TULP4: variants seen among roughly 807,000 people sequenced by gnomAD.
TULP4 encodes TUB like protein 4, also known as tubby-related protein 4.
A neutral mutation model predicts 129.0 loss-of-function variants in TULP4; 16 were observed. The observed-to-expected ratio is 0.12, with a 90% CI of 0.08 to 0.19. The LOEUF is 0.19. TULP4 is among the 10% of genes least tolerant of loss of function. The pLI, the probability that TULP4 is intolerant of heterozygous loss-of-function variation, is 1.00. For missense variants in TULP4, 1,842 were observed against 2,059.1 expected (o/e 0.89, Z 2.04); for synonymous variants, 998 against 854.0 (o/e 1.17, Z -2.94).
At chr6:158,234,636 C>T (rs188694057) in intron 1 of TULP4, among the ~76,000 whole-genome samples, 3 of 152,304 alleles carry the variant, frequency 2.0e-5, no homozygotes, top group Non-Finnish European at 4.4e-5. Flanking sequence ...AGTACAACCT[C>T]TTATGAAATG....
At position 158,509,923 on chromosome 6, in the gene TULP4, G is replaced by A. The variant is rs1469177929; in HGVS notation, c.*3229G>A. 6.6e-6 allele frequency: 1 copy of A among 152,186 alleles called. No homozygotes were observed. The highest frequency in any genetic ancestry group is 1.9e-4 in the East Asian group (1 of 5,192). 9.4% of individuals were successfully genotyped at this position (152,186 alleles called of 1,614,324 possible). A position where few individuals can be genotyped will look rare whatever the true frequency, so the allele number is the denominator to read the frequency against. On this transcript the variant is annotated 3_prime_UTR_variant, in exon 14 of 14. Coordinates refer to ENST00000367097, the MANE Select transcript of TULP4 (RefSeq NM_020245.5). ...AATACGACGAAAATTCATACTTTAT[G>A]CAGGAGATTTCTAAAAATTTAATGT...
Position 158,413,184 on chromosome 6 carries a change from C to T in TULP4, c.372C>T (p.Arg124=), listed in dbSNP as rs780716465. ...GGTCTGTGGAGCTGGTCAACGACCGCGGGGCGCAGGTGAGTGGCAGGCGCA... is the reference window on the plus strand; with the variant it reads ...GGTCTGTGGAGCTGGTCAACGACCGTGGGGCGCAGGTGAGTGGCAGGCGCA... The part of the protein sequence containing the change: ...GRWSVELVND[R]GAQVSDFTWS... Residue 124 remains arginine, a synonymous_variant, in exon 2 of 14, where the codon CGC becomes CGT. Coordinates refer to ENST00000367097, the MANE Select transcript of TULP4 (RefSeq NM_020245.5). This position sits in a 1 kb window ranked among gnomAD's most constrained non-coding sequence, Gnocchi z 4.9. 14 of 1,611,876 alleles carry T rather than the reference C, an allele frequency of 8.7e-6. No individual in the cohort carries two copies. The highest frequency in any genetic ancestry group is 1.7e-4 in the Middle Eastern group (1 of 6,048).
chr6:158,328,079 G>GGTGTGTGTGGGTGT (rs1779785183), intron 1 of TULP4, among the ~76,000 whole-genome samples: 1 of 120,518 alleles, frequency 8.3e-6, no homozygotes, highest in African/African-American at 3.2e-5. Context: ...TCTCAGAGCT[G>GGTGTGTGTGGGTGT]GTGTGTGTGT....
intron 1 of TULP4, among the ~76,000 whole-genome samples, chr6:158,246,023 GGTGTGTGTGTGTGTGT>G (rs66690741): frequency 0.033 from 4,790 of 145,918 alleles, 264 homozygotes; most frequent in African/African-American, 0.11. Flanking sequence ...ACCCCTTAGG[GGTGTGTGTGTGTGTGT>G]GTGTGTGTGT....
intron 3 of TULP4, among the ~76,000 whole-genome samples, chr6:158,446,014 C>G (rs751176215): frequency 2.6e-5 from 4 of 152,218 alleles, no homozygotes; most frequent in Non-Finnish European, 5.9e-5. Flanking sequence ...ACTTAGAACA[C>G]ATTCATTACT....
intron 1 of TULP4, among the ~76,000 whole-genome samples, chr6:158,337,447 A>T (rs1461375129): frequency 6.6e-6 from 1 of 152,090 alleles, no homozygotes; most frequent in Admixed American, 6.6e-5. Context: ...AAAAATTTTT[A>T]GCCTTTTCTC....
intron 1 of TULP4, among the ~76,000 whole-genome samples, chr6:158,272,497 C>A (rs1161007190): frequency 6.6e-6 from 1 of 152,118 alleles, no homozygotes; most frequent in Non-Finnish European, 1.5e-5. Context: ...GGCAGAGGAA[C>A]AAGCAGAGGA....
At chr6:158,498,102 T>C (rs913124243) in intron 11 of TULP4, among the ~76,000 whole-genome samples, 1 of 152,232 alleles carries the variant, frequency 6.6e-6, no homozygotes, top group Admixed American at 6.5e-5. Context: ...TGTGTGGAAA[T>C]TCCCTATAAA....
At chr6:158,337,779 A>G (rs1780081560) in intron 1 of TULP4, among the ~76,000 whole-genome samples, 1 of 113,138 alleles carries the variant, frequency 8.8e-6, no homozygotes, top group African/African-American at 3.1e-5. Flanking sequence ...TCTAGAAAGA[A>G]GTGAATGTTT....
chr6:158,503,555 G>A lies in TULP4; in HGVS notation c.3892G>A (p.Asp1298Asn), dbSNP rs138618542. 128 of 1,613,892 alleles carry A rather than the reference G, an allele frequency of 7.9e-5. 1 individual carries two copies. Among genetic ancestry groups the A allele is most frequent in the South Asian group, 5.1e-4 (46 of 91,072 alleles). Residue 1298 changes from aspartate (D) to asparagine (N), a missense_variant, in exon 13 of 14, where the codon GAC becomes AAC. Physicochemically the swap from Asp to Asn is conservative, Grantham distance 23 (BLOSUM62 1). This residue lies in a region of TULP4 where 1,089 missense variants were observed against 987.1 expected (regional missense o/e 1.10). Coordinates refer to ENST00000367097, the MANE Select transcript of TULP4 (RefSeq NM_020245.5). The surrounding 1 kb of genome is among the most constrained non-coding windows in gnomAD (Gnocchi z 4.3). Reference protein sequence around the residue: ...EKPLVSPPPADLQSHLGTEVM... With the variant: ...EKPLVSPPPANLQSHLGTEVM... ...GCCCCTTGTGTCCCCACCACCTGCC[G>A]ACCTCCAAAGCCACTTGGGCACAGA...
chr6:158,299,123 A>G (rs1779090914), intron 1 of TULP4, among the ~76,000 whole-genome samples: 1 of 152,002 alleles, frequency 6.6e-6, no homozygotes, highest in Admixed American at 6.6e-5. Flanking sequence ...GGGAGTATCC[A>G]TACTAGGCCT....
intron 1 of TULP4, among the ~76,000 whole-genome samples, chr6:158,298,651 T>G (rs1262965739): frequency 6.6e-6 from 1 of 152,172 alleles, no homozygotes; most frequent in Non-Finnish European, 1.5e-5. Context: ...TAAATGACAA[T>G]TAATGCATTG....
rs559499315 is a variant in TULP4 at position 158,413,893 on chromosome 6, C to T, written c.381+700C>T. Among the ~76,000 whole-genome samples the T allele has an allele frequency of 6.6e-6, 1 of 152,336 alleles. No homozygotes were observed. Among genetic ancestry groups the T allele is most frequent in the South Asian group, 2.1e-4 (1 of 4,830 alleles). The stretch of plus-strand genomic sequence containing the variant: ...ACTGGGACTTAAGAACCTGAATCCT[C>T]AGGGGATGTCAATTAATAATTAATG... On this transcript the variant is annotated intron_variant, in intron 2 of 13. Coordinates refer to ENST00000367097, the MANE Select transcript of TULP4 (RefSeq NM_020245.5). This position sits in a 1 kb window ranked among gnomAD's most constrained non-coding sequence, Gnocchi z 4.9.
chr6:158,494,655 G>T (rs3763173), intron 10 of TULP4, 98 bp from the exon 11 acceptor site: 3 of 1,130,562 alleles, frequency 2.7e-6, no homozygotes, highest in Non-Finnish European at 2.6e-6. Flanking sequence ...GTGCACACTC[G>T]TGGCTTAAGT....
intron 1 of TULP4, among the ~76,000 whole-genome samples, chr6:158,267,500 G>C (rs1778467379): frequency 1.3e-5 from 2 of 152,144 alleles, no homozygotes; most frequent in African/African-American, 4.8e-5. Flanking sequence ...GTAGGACCTG[G>C]GAGGATTCCA....
At chr6:158,365,558 G>A (rs1370485015) in intron 1 of TULP4, among the ~76,000 whole-genome samples, 1 of 150,550 alleles carries the variant, frequency 6.6e-6, no homozygotes, top group Non-Finnish European at 1.5e-5. Context: ...CTCACTGCAA[G>A]CTCCGCCTCG....
At chr6:158,373,309 A>C (rs1031334945) in intron 1 of TULP4, among the ~76,000 whole-genome samples, 2 of 152,184 alleles carry the variant, frequency 1.3e-5, no homozygotes, top group Non-Finnish European at 2.9e-5. Context: ...GGCAGGGGTT[A>C]AGTGACTTGC....
chr6:158,485,827 G>A lies in TULP4; in HGVS notation c.1487-3761G>A, dbSNP rs75601685. Among the ~76,000 whole-genome samples, 427 of 152,316 alleles carry A rather than the reference G, an allele frequency of 2.8e-3. 1 individual carries two copies. Among genetic ancestry groups the A allele is most frequent in the African/African-American group, 9.7e-3 (404 of 41,556 alleles). ...TTGCTTGGAACCTGTCACCACTTTC[G>A]TACTTCCAGTGTCTCCTTTTTGGAA... is the stretch of plus-strand genomic sequence containing the variant. On this transcript the variant is annotated intron_variant, in intron 8 of 13. Transcript: ENST00000367097.
intron 6 of TULP4, among the ~76,000 whole-genome samples, chr6:158,477,303 G>C (rs1779845591): frequency 6.6e-6 from 1 of 152,054 alleles, no homozygotes; most frequent in Non-Finnish European, 1.5e-5. Flanking sequence ...GAGGAGGACA[G>C]AGGATAAATA....
Sources: allele counts gnomAD v4.1 joint callset (sites outside exome capture counted in the v4.1 genomes callset), GRCh38; gene constraint gnomAD v4.1.1; regional missense constraint gnomAD v4.1.1; non-coding constraint Gnocchi (gnomAD v3.1); transcripts MANE v1.5; gene names NCBI Gene and HGNC (gene_info 2026-07-23, HGNC 2026-07-21).